The following GRID1 variants were observed in gnomAD, a reference collection of about 807,000 sequenced individuals.
GRID1 encodes glutamate receptor ionotropic, delta-1.
A neutral mutation model predicts 98.0 loss-of-function variants in GRID1; 28 were observed. That is an observed-to-expected ratio of 0.29 (90% CI 0.21 to 0.39). GRID1 has a LOEUF of 0.39. GRID1 is among the 10% of genes least tolerant of loss of function. GRID1 has a pLI of 1.00. For synonymous variants in GRID1, 553 were observed against 538.5 expected (o/e 1.03, Z -0.37); for missense variants, 1,111 against 1,340.5 (o/e 0.83, Z 2.67).
At chr10:86,363,689 G>C (rs755879747) in intron 2 of GRID1, among the ~76,000 whole-genome samples, 1 of 152,130 alleles carries the variant, frequency 6.6e-6, no homozygotes, top group Non-Finnish European at 1.5e-5. Context: ...CAGCCCGAAG[G>C]GCGCCACGCA....
chr10:85,835,965 T>A (rs1327630149), intron 8 of GRID1, among the ~76,000 whole-genome samples: 1 of 152,078 alleles, frequency 6.6e-6, no homozygotes, highest in Non-Finnish European at 1.5e-5. Flanking sequence ...CAAAGGAAAT[T>A]CTTAGAAAAT....
At chr10:86,060,076 C>A (rs1843628690) in intron 4 of GRID1, among the ~76,000 whole-genome samples, 1 of 152,028 alleles carries the variant, frequency 6.6e-6, no homozygotes, top group Non-Finnish European at 1.5e-5. Context: ...AATGATGGGG[C>A]CTGGGAAGGC....
At chr10:86,187,045 C>T (rs1845735085) in intron 3 of GRID1, among the ~76,000 whole-genome samples, 1 of 152,150 alleles carries the variant, frequency 6.6e-6, no homozygotes, top group South Asian at 2.1e-4. Context: ...AAAGGCAGCC[C>T]CAAATCCCTT....
chr10:85,613,569 G>A lies in GRID1; in HGVS notation c.2439C>T (p.Leu813=). Residue 813 remains leucine, a synonymous_variant, in exon 15 of 16, where the codon CTC becomes CTT. Transcript: ENST00000327946. ...KWWPHMGRCD[L]TSHASAQADG... is the part of the protein sequence containing the mutation. ...CGGCCTGGGCGCTGGCATGGCTGGTGAGGTCACAGCGGCCCATGTGCGGCC... is the reference window on the plus strand; with the variant it reads ...CGGCCTGGGCGCTGGCATGGCTGGTAAGGTCACAGCGGCCCATGTGCGGCC... 8 of 1,614,170 alleles carry A rather than the reference G, an allele frequency of 5.0e-6. No individual in the cohort carries two copies. Among genetic ancestry groups the A allele is most frequent in the Non-Finnish European group, 6.8e-6 (8 of 1,180,030 alleles).
At chr10:86,074,400 T>C (rs1843850985) in intron 4 of GRID1, among the ~76,000 whole-genome samples, 1 of 152,222 alleles carries the variant, frequency 6.6e-6, no homozygotes, top group Non-Finnish European at 1.5e-5. Context: ...CATTCCCACA[T>C]ATAAATGAGA....
At chr10:86,166,472 G>T (rs1012475912) in intron 3 of GRID1, among the ~76,000 whole-genome samples, 2 of 152,206 alleles carry the variant, frequency 1.3e-5, no homozygotes, top group African/African-American at 4.8e-5. Flanking sequence ...GAGCCAGGAG[G>T]TGCAGCTTTA....
In GRID1 at chr10:86,312,896, C is replaced by A. The variant is rs541982033; in HGVS notation, c.235+51045G>T. Among the ~76,000 whole-genome samples, 11 of 152,330 alleles carry A rather than the reference C, an allele frequency of 7.2e-5. No individual in the cohort carries two copies. The South Asian group carries it at 2.3e-3, about 32-fold the overall frequency. On this transcript the variant is annotated intron_variant, in intron 2 of 15. Transcript: ENST00000327946. ...GCAACAGGACACCCAAGAGGCTCTG[C>A]AGCACAGGAAACCAGGACAGAGGAT...
chr10:85,652,344 A>C (rs1166457514), intron 12 of GRID1, among the ~76,000 whole-genome samples: 1 of 152,272 alleles, frequency 6.6e-6, no homozygotes, highest in Non-Finnish European at 1.5e-5. Flanking sequence ...AAATATTTAC[A>C]TTGGCAATGG....
chr10:85,785,254 T>C (rs1027249123), intron 8 of GRID1, among the ~76,000 whole-genome samples: 10 of 152,376 alleles, frequency 6.6e-5, no homozygotes, highest in African/African-American at 2.4e-4. Context: ...TGCTGGTCTC[T>C]GAACACTCCA....
intron 2 of GRID1, among the ~76,000 whole-genome samples, chr10:86,316,234 C>G (rs1248103743): frequency 1.3e-5 from 2 of 152,240 alleles, no homozygotes; most frequent in Non-Finnish European, 2.9e-5. Context: ...CAGAATCCCC[C>G]AGGCAGACTT....
rs1422144209 is a variant in GRID1, at chr10:86,366,675, G to T, written c.-283C>A. On this transcript the variant is annotated 5_prime_UTR_variant, in exon 1 of 16. Coordinates refer to ENST00000327946, the MANE Select transcript of GRID1 (RefSeq NM_017551.3). The surrounding 1 kb of genome is among the most constrained non-coding windows in gnomAD (Gnocchi z 4.1). The stretch of plus-strand genomic sequence containing the variant: ...GCGGCGGGGGCGGCCCGCGGCTGTG[G>T]CAGCGGCGCTTCCCGCGGCTAGAGC... 6.7e-6 allele frequency among the ~76,000 whole-genome samples: 1 copy of T among 149,394 alleles called. No individual in the cohort carries two copies. Among genetic ancestry groups the T allele is most frequent in the East Asian group, 1.9e-4 (1 of 5,134 alleles).
intron 8 of GRID1, among the ~76,000 whole-genome samples, chr10:85,786,001 C>T (rs1473750471): frequency 2.6e-5 from 4 of 152,166 alleles, no homozygotes; most frequent in South Asian, 2.1e-4. Context: ...CACACGTACA[C>T]ATACTATACA....
At chr10:85,901,305 G>C (rs555024818) in intron 5 of GRID1, among the ~76,000 whole-genome samples, 1 of 151,320 alleles carries the variant, frequency 6.6e-6, no homozygotes, top group South Asian at 2.1e-4. Flanking sequence ...GAGTGCAGTG[G>C]CATGATCTTG....
intron 14 of GRID1, among the ~76,000 whole-genome samples, chr10:85,616,244 T>C (rs1842786994): frequency 6.6e-6 from 1 of 152,236 alleles, no homozygotes; most frequent in African/African-American, 2.4e-5. Flanking sequence ...GCCTGCAAAG[T>C]GGTTCTTATT....
chr10:85,954,352 C>G (rs1248307965), intron 4 of GRID1, among the ~76,000 whole-genome samples: 2 of 152,184 alleles, frequency 1.3e-5, no homozygotes, highest in Non-Finnish European at 2.9e-5. Flanking sequence ...CCAAGTTACT[C>G]TAAACATTGT....
chr10:86,009,631 C>G (rs896872397), intron 4 of GRID1, among the ~76,000 whole-genome samples: 2 of 152,188 alleles, frequency 1.3e-5, no homozygotes, highest in East Asian at 3.9e-4. Context: ...ATAGCAGGAA[C>G]AGCAGAAAAA....
intron 4 of GRID1, among the ~76,000 whole-genome samples, chr10:86,057,821 A>C (rs1415437623): frequency 6.6e-6 from 1 of 152,276 alleles, no homozygotes; most frequent in African/African-American, 2.4e-5. Context: ...GGAACTGTTT[A>C]GTTAATGTCT....
intron 2 of GRID1, among the ~76,000 whole-genome samples, chr10:86,228,987 T>C (rs1383498909): frequency 6.6e-6 from 1 of 152,102 alleles, no homozygotes; most frequent in African/African-American, 2.4e-5. Context: ...AACAAGGGTG[T>C]GGGTGTGGAG....
chr10:86,013,029 G>T (rs996226171), intron 4 of GRID1, among the ~76,000 whole-genome samples: 3 of 152,060 alleles, frequency 2.0e-5, no homozygotes, highest in African/African-American at 7.2e-5. Context: ...CTGGACATCT[G>T]GATCTACCCA....
Sources: allele counts gnomAD v4.1 joint callset (sites outside exome capture counted in the v4.1 genomes callset), GRCh38; gene constraint gnomAD v4.1.1; non-coding constraint Gnocchi (gnomAD v3.1); transcripts MANE v1.5; gene names NCBI Gene and HGNC (gene_info 2026-07-23, HGNC 2026-07-21).